DAGLA: variants seen among roughly 807,000 people sequenced by gnomAD.
DAGLA encodes the protein diacylglycerol lipase-alpha.
DAGLA carries 22 observed loss-of-function variants against 102.6 expected under a neutral mutation model. That is an observed-to-expected ratio of 0.21 (90% CI 0.15 to 0.31). The LOEUF is 0.31. DAGLA is among the 10% of genes least tolerant of loss of function. The probability of loss-of-function intolerance (pLI) is 1.00; values close to 1 mark genes in which losing one functional copy is unlikely to be tolerated. For synonymous variants in DAGLA, 578 were observed against 628.9 expected (o/e 0.92, Z 1.21); for missense variants, 927 against 1,446.6 (o/e 0.64, Z 5.83).
At chr11:61,719,509 G>A (rs1466270730) in intron 1 of DAGLA, among the ~76,000 whole-genome samples, 5 of 152,246 alleles carry the variant, frequency 3.3e-5, no homozygotes. Context: ...CAGCAAAGCA[G>A]GAAACTGAAG....
chr11:61,724,839 G>A (rs1429299261), intron 5 of DAGLA, among the ~76,000 whole-genome samples: 2 of 152,166 alleles, frequency 1.3e-5, no homozygotes, highest in Non-Finnish European at 2.9e-5. Context: ...GGTTTAGGAT[G>A]TACAGCTGTC....
intron 1 of DAGLA, among the ~76,000 whole-genome samples, chr11:61,682,914 A>G (rs1384406486): frequency 1.3e-5 from 2 of 151,832 alleles, no homozygotes; most frequent in Non-Finnish European, 2.9e-5. Context: ...GGCTACAGGC[A>G]CCTCTGAGGG....
intron 1 of DAGLA, among the ~76,000 whole-genome samples, chr11:61,710,931 G>C (rs1293220546): frequency 1.3e-5 from 2 of 152,174 alleles, no homozygotes; most frequent in Non-Finnish European, 2.9e-5. Flanking sequence ...GGAGACTGAC[G>C]CTCAGTGAAG....
rs1375197688 is a variant in DAGLA at position 61,744,464 on chromosome 11, A to T, written c.3104A>T (p.Asp1035Val). Reference sequence around the variant, plus strand: ...CACGGAGCCAGCCCCGCCAAGCAAGATGAGCTGGTCATCTCAGCACGCTAG... The same window carrying T: ...CACGGAGCCAGCCCCGCCAAGCAAGTTGAGCTGGTCATCTCAGCACGCTAG... ...TGHGASPAKQ[D>V]ELVISAR The change falls in exon 20 of 20, where the codon GAT becomes GTT. Residue 1035 changes from aspartate to valine, a missense_variant. By Grantham distance (152) the Asp-to-Val change is radical. Coordinates refer to ENST00000257215, the MANE Select transcript of DAGLA (RefSeq NM_006133.3). 1 of 1,582,680 alleles carries T rather than the reference A, an allele frequency of 6.3e-7. No individual in the cohort carries two copies. Among genetic ancestry groups the T allele is most frequent in the Admixed American group, 1.7e-5 (1 of 57,684 alleles).
intron 18 of DAGLA, among the ~76,000 whole-genome samples, chr11:61,740,937 A>G (rs2240285): frequency 0.026 from 4,017 of 152,288 alleles, 178 homozygotes; most frequent in East Asian, 0.13. Context: ...GAAAGGCTGA[A>G]GGCAGGTAGG....
chr11:61,720,600 G>A, intron 2 of DAGLA, 79 bp from the exon 3 acceptor site: 4 of 1,360,044 alleles, frequency 2.9e-6, no homozygotes, highest in Non-Finnish European at 1.0e-6. Flanking sequence ...AATCTGGGCT[G>A]GGGAAGGGCC....
At chr11:61,705,330 C>T (rs918565320) in intron 1 of DAGLA, among the ~76,000 whole-genome samples, 1 of 152,220 alleles carries the variant, frequency 6.6e-6, no homozygotes. Context: ...CCCTCGCACC[C>T]ACCTTGGCTT....
chr11:61,728,735 G>A (rs556590377), intron 7 of DAGLA, among the ~76,000 whole-genome samples, 196 bp from the exon 8 acceptor site: 88 of 152,348 alleles, frequency 5.8e-4, no homozygotes, highest in African/African-American at 2.0e-3. Flanking sequence ...TTGGGTAGAA[G>A]GGGAGCATCT....
chr11:61,715,013 G>A (rs774461967), intron 1 of DAGLA, among the ~76,000 whole-genome samples: 1 of 152,186 alleles, frequency 6.6e-6, no homozygotes, highest in Non-Finnish European at 1.5e-5. Context: ...TTCGGAGGTA[G>A]GTACTCTTCT....
At chr11:61,738,006 C>T (rs927622503) in intron 15 of DAGLA, 129 bp from the exon 16 acceptor site, 11 of 767,594 alleles carry the variant, frequency 1.4e-5, no homozygotes, top group East Asian at 1.3e-4. Context: ...CTCTCCACCC[C>T]GTGACCCTGG....
intron 13 of DAGLA, among the ~76,000 whole-genome samples, 188 bp downstream of exon 13, chr11:61,736,538 C>T (rs1303682789): frequency 6.6e-6 from 1 of 152,240 alleles, no homozygotes; most frequent in Non-Finnish European, 1.5e-5. Context: ...GCATCCTGCT[C>T]CGCCCCACCT....
chr11:61,737,551 G>T, intron 14 of DAGLA, 136 bp from the exon 15 acceptor site: 4 of 1,058,050 alleles, frequency 3.8e-6, no homozygotes, highest in Non-Finnish European at 4.3e-6. Flanking sequence ...AGGCAACCCA[G>T]CCTGCCACCA....
At position 61,708,419 on chromosome 11, in the gene DAGLA, C is replaced by T. The variant is rs377329363; in HGVS notation, c.-44-11693C>T. Among the ~76,000 whole-genome samples, 23 of 150,616 alleles carry T rather than the reference C, an allele frequency of 1.5e-4. No homozygotes were observed. In the East Asian group the frequency reaches 3.6e-3, roughly 23 times the overall value. ...TTTTTGAGATGGAGTCTCACTCTGT[C>T]GCCCAGGCTTGAGTGCAGTGGCGTG... On this transcript the variant is annotated intron_variant, in intron 1 of 19. Coordinates refer to ENST00000257215, the MANE Select transcript of DAGLA (RefSeq NM_006133.3).
chr11:61,737,855 C>T, intron 15 of DAGLA, 100 bp downstream of exon 15: 1 of 1,071,816 alleles, frequency 9.3e-7, no homozygotes, highest in Non-Finnish European at 1.4e-6. Context: ...CAGTCCGATT[C>T]CTGTCTCTCA....
chr11:61,729,892 G>A (rs904971722), intron 8 of DAGLA, among the ~76,000 whole-genome samples: 2 of 151,036 alleles, frequency 1.3e-5, no homozygotes, highest in Non-Finnish European at 2.9e-5. Context: ...GGGCAACATA[G>A]TGAGACCCTG....
At chr11:61,719,598 G>A (rs2065265442) in intron 1 of DAGLA, among the ~76,000 whole-genome samples, 1 of 152,238 alleles carries the variant, frequency 6.6e-6, no homozygotes, top group Admixed American at 6.5e-5. Context: ...AGTCCCAGCT[G>A]CCAACCATAC....
At position 61,720,173 on chromosome 11, in the gene DAGLA, G is replaced by A. The variant is rs758944462; in HGVS notation, c.18G>A (p.Val6=). Residue 6 remains valine, a synonymous_variant, in exon 2 of 20, where the codon GTG becomes GTA. Coordinates refer to ENST00000257215, the MANE Select transcript of DAGLA (RefSeq NM_006133.3). MPGIV[V]FRRRWSVGSD... Reference sequence around the variant, plus strand: ...CACCAGCCATGCCCGGGATCGTGGTGTTCCGGCGGCGCTGGTCTGTGGGCA... The same window carrying A: ...CACCAGCCATGCCCGGGATCGTGGTATTCCGGCGGCGCTGGTCTGTGGGCA... The A allele has an allele frequency of 2.5e-6, 4 of 1,613,254 alleles. No individual in the cohort carries two copies. The highest frequency in any genetic ancestry group is 2.7e-5 in the African/African-American group (2 of 74,950).
chr11:61,700,196 G>C (rs1268892124), intron 1 of DAGLA, among the ~76,000 whole-genome samples: 1 of 152,010 alleles, frequency 6.6e-6, no homozygotes, highest in Non-Finnish European at 1.5e-5. Flanking sequence ...CCTGGGTTGT[G>C]GGGGTGACGG....
chr11:61,728,762 C>T (rs2065351459), intron 7 of DAGLA, among the ~76,000 whole-genome samples, 169 bp from the exon 8 acceptor site: 1 of 152,254 alleles, frequency 6.6e-6, no homozygotes, highest in Admixed American at 6.5e-5. Flanking sequence ...ATGGGGAAAC[C>T]TCAGATTTTG....
Sources: gnomAD v4.1 joint callset for allele counts (sites outside exome capture counted in the v4.1 genomes callset) on GRCh38, gnomAD v4.1.1 for gene constraint, MANE v1.5 for transcripts, NCBI Gene and HGNC (gene_info 2026-07-23, HGNC 2026-07-21) for gene names.